The following STEAP1B variants were observed in gnomAD, a reference collection of about 807,000 sequenced individuals.
STEAP1B encodes the protein STEAP family protein MGC87042.
In STEAP1B, 13 loss-of-function variants were observed where a neutral mutation model predicts 27.9. That is an observed-to-expected ratio of 0.47 (90% CI 0.30 to 0.74). The LOEUF (loss-of-function observed/expected upper bound fraction) is 0.74, where lower values mean the gene tolerates loss of function less well. Ranked by LOEUF, STEAP1B falls within the 30% of genes least tolerant of loss-of-function variation. The pLI is 0.06. For synonymous variants in STEAP1B, 86 were observed against 107.1 expected (o/e 0.80, Z 1.22); for missense variants, 250 against 298.7 (o/e 0.84, Z 1.20).
At chr7:22,456,972 A>ATTTTTTTTT (rs3064738) in intron 4 of STEAP1B, among the ~76,000 whole-genome samples, 1 of 57,074 alleles carries the variant, frequency 1.8e-5, no homozygotes, top group Non-Finnish European at 3.3e-5. Flanking sequence ...ATATATATAT[A>ATTTTTTTTT]TTTTTTTTTT....
intron 1 of STEAP1B, chr7:22,495,310 T>A (rs1786420958): frequency 6.6e-6 from 1 of 152,418 alleles, no homozygotes; most frequent in Admixed American, 6.5e-5. Flanking sequence ...GATTTATGTT[T>A]AACAGAATTT....
intron 4 of STEAP1B, among the ~76,000 whole-genome samples, chr7:22,432,789 G>A (rs919263480): frequency 2.6e-5 from 4 of 152,074 alleles, no homozygotes; most frequent in African/African-American, 7.2e-5. Flanking sequence ...AAAGGAGAAC[G>A]GACACTAGGT....
chr7:22,436,453 T>C (rs1327375838), intron 4 of STEAP1B, among the ~76,000 whole-genome samples: 2 of 152,192 alleles, frequency 1.3e-5, no homozygotes, highest in Admixed American at 1.3e-4. Context: ...ATGTGCAGGT[T>C]TGTCATATAG....
At chr7:22,452,742 G>A (rs1264988026) in intron 4 of STEAP1B, among the ~76,000 whole-genome samples, 1 of 152,172 alleles carries the variant, frequency 6.6e-6, no homozygotes, top group Non-Finnish European at 1.5e-5. Context: ...TTGCAGTGAT[G>A]CCCAGGGCTG....
At chr7:22,468,055 G>T (rs1349880020) in intron 4 of STEAP1B, among the ~76,000 whole-genome samples, 2 of 152,080 alleles carry the variant, frequency 1.3e-5, no homozygotes, top group Admixed American at 6.5e-5. Context: ...TTCTGCTAAA[G>T]AATATTTTTT....
At chr7:22,483,564 A>G (rs1279255383) in intron 4 of STEAP1B, among the ~76,000 whole-genome samples, 3 of 152,152 alleles carry the variant, frequency 2.0e-5, no homozygotes, top group Non-Finnish European at 2.9e-5. Flanking sequence ...TCTCAACAAC[A>G]TGTGCTCACT....
intron 3 of STEAP1B, among the ~76,000 whole-genome samples, 168 bp downstream of exon 3, chr7:22,493,156 G>A (rs1289559109): frequency 6.6e-6 from 1 of 152,090 alleles, no homozygotes; most frequent in Non-Finnish European, 1.5e-5. Flanking sequence ...ATATAAAACC[G>A]ACTGACAACC....
chr7:22,432,035 G>C (rs983824153), intron 4 of STEAP1B, among the ~76,000 whole-genome samples: 6 of 152,188 alleles, frequency 3.9e-5, no homozygotes, highest in African/African-American at 1.4e-4. Context: ...TATTAGGAGA[G>C]GGAGCCTTTG....
intron 4 of STEAP1B, among the ~76,000 whole-genome samples, chr7:22,463,368 T>C (rs1785713363): frequency 6.6e-6 from 1 of 151,988 alleles, no homozygotes; most frequent in Non-Finnish European, 1.5e-5. Context: ...ATCATGAAAA[T>C]GGCCATACTG....
chr7:22,470,498 C>G (rs1785862344), intron 4 of STEAP1B, among the ~76,000 whole-genome samples: 1 of 152,152 alleles, frequency 6.6e-6, no homozygotes, highest in African/African-American at 2.4e-5. Flanking sequence ...TATTAGAACA[C>G]CACAGTAATC....
intron 4 of STEAP1B, among the ~76,000 whole-genome samples, chr7:22,470,421 T>A (rs143235765): frequency 5.9e-5 from 9 of 152,040 alleles, no homozygotes; most frequent in African/African-American, 1.9e-4. Flanking sequence ...TGAGGGAGAA[T>A]TGACAAGTCT....
chr7:22,450,330 C>G (rs1378369934), intron 4 of STEAP1B, among the ~76,000 whole-genome samples: 1 of 152,110 alleles, frequency 6.6e-6, no homozygotes, highest in Non-Finnish European at 1.5e-5. Flanking sequence ...AATGTCTAAT[C>G]CATTTTGATT....
chr7:22,473,697 A>T lies in STEAP1B; in HGVS notation c.762+18868T>A, dbSNP rs1785925327. Among the ~76,000 whole-genome samples, 7 of 152,264 alleles carry T rather than the reference A, an allele frequency of 4.6e-5. No individual in the cohort carries two copies. The South Asian group carries it at 1.5e-3, about 32-fold the overall frequency. ...AGACTGGATTCTGTTTTAAGATGGT[A>T]TATTTTTGCTCCATAGATGATTGTG... On this transcript the variant is annotated intron_variant, in intron 4 of 4. Transcript: ENST00000678116.
chr7:22,468,382 A>C (rs1449915564), intron 4 of STEAP1B, among the ~76,000 whole-genome samples: 1 of 152,166 alleles, frequency 6.6e-6, no homozygotes, highest in Non-Finnish European at 1.5e-5. Context: ...TTCCCAAAAA[A>C]TCTGTCAGTA....
intron 4 of STEAP1B, among the ~76,000 whole-genome samples, chr7:22,481,082 T>C (rs972665616): frequency 6.6e-6 from 1 of 152,248 alleles, no homozygotes; most frequent in African/African-American, 2.4e-5. Flanking sequence ...GGTCACTGGA[T>C]GTCCTCGTTT....
At chr7:22,444,078 CCA>C (rs767571868) in intron 4 of STEAP1B, among the ~76,000 whole-genome samples, 1 of 152,242 alleles carries the variant, frequency 6.6e-6, no homozygotes, top group Non-Finnish European at 1.5e-5. Flanking sequence ...GCCTGTCTCT[CCA>C]CAGAGTCACG....
intron 4 of STEAP1B, among the ~76,000 whole-genome samples, chr7:22,444,602 G>A (rs1462734259): frequency 6.6e-6 from 1 of 152,216 alleles, no homozygotes; most frequent in Non-Finnish European, 1.5e-5. Context: ...GCCACTCGCA[G>A]CAACCCTGGG....
chr7:22,480,091 T>G (rs970768502), intron 4 of STEAP1B, among the ~76,000 whole-genome samples: 6 of 152,192 alleles, frequency 3.9e-5, no homozygotes, highest in Non-Finnish European at 8.8e-5. Context: ...ACAGTGTTGT[T>G]CTAGAAAGGA....
intron 4 of STEAP1B, among the ~76,000 whole-genome samples, chr7:22,427,910 G>A (rs1004086119): frequency 5.9e-5 from 9 of 152,350 alleles, no homozygotes; most frequent in Admixed American, 5.2e-4. Flanking sequence ...AGCCATGCAT[G>A]TTACTGCAAA....
Sources: allele counts gnomAD v4.1 joint callset (sites outside exome capture counted in the v4.1 genomes callset), GRCh38; gene constraint gnomAD v4.1.1; transcripts MANE v1.5; gene names NCBI Gene and HGNC (gene_info 2026-07-23, HGNC 2026-07-21).